SLC16A1: variants seen among roughly 807,000 people sequenced by gnomAD.
SLC16A1 encodes solute carrier family 16 member 1, also known as monocarboxylate transporter 1.
SLC16A1 carries 11 observed loss-of-function variants against 32.2 expected under a neutral mutation model. That is an observed-to-expected ratio of 0.34 (90% confidence interval 0.21 to 0.56). The LOEUF (loss-of-function observed/expected upper bound fraction) is 0.56. Ranked by LOEUF, SLC16A1 falls within the 20% of genes least tolerant of loss-of-function variation. The pLI is 0.87. For missense variants in SLC16A1, 435 were observed against 615.0 expected, an observed-to-expected ratio of 0.71 and a Z score of 3.10; for synonymous variants, 231 against 226.8, an observed-to-expected ratio of 1.02 and a Z score of -0.17.
At chr1:112,941,981 T>C (rs1037805397) in intron 1 of SLC16A1, among the ~76,000 whole-genome samples, 1 of 152,112 alleles carries the variant, frequency 6.6e-6, no homozygotes, top group South Asian at 2.1e-4. Flanking sequence ...GACCCCCTTT[T>C]TTTTTTGAGA....
intron 1 of SLC16A1, among the ~76,000 whole-genome samples, chr1:112,942,885 A>G (rs1288251073): frequency 6.6e-6 from 1 of 152,236 alleles, no homozygotes; most frequent in Non-Finnish European, 1.5e-5. Flanking sequence ...TGAAGTGAAC[A>G]TATTTGTAAA....
intron 1 of SLC16A1, among the ~76,000 whole-genome samples, chr1:112,937,202 G>A (rs1405175616): frequency 6.6e-6 from 1 of 152,128 alleles, no homozygotes; most frequent in Non-Finnish European, 1.5e-5. Context: ...ATCAAGCTCT[G>A]ACTAGAACAG....
At chr1:112,946,299 C>CA (rs1649701608) in intron 1 of SLC16A1, among the ~76,000 whole-genome samples, 1 of 151,896 alleles carries the variant, frequency 6.6e-6, no homozygotes, top group Non-Finnish European at 1.5e-5. Flanking sequence ...AGGTTGGGCA[C>CA]AGTGGCTCAC....
chr1:112,932,362 C>G (rs1649161773), intron 1 of SLC16A1, among the ~76,000 whole-genome samples: 1 of 152,146 alleles, frequency 6.6e-6, no homozygotes, highest in Non-Finnish European at 1.5e-5. Flanking sequence ...CAGCGAGACC[C>G]TACCTCTACA....
At position 112,923,217 on chromosome 1, in the gene SLC16A1, G is replaced by A. The variant is rs548185731; in HGVS notation, c.218-1084C>T. Among the ~76,000 whole-genome samples, 4 of 152,230 alleles carry A rather than the reference G, an allele frequency of 2.6e-5. No homozygotes were observed. The South Asian group carries it at 8.3e-4, about 32-fold the overall frequency. ...GCCTGTAATCCCAGCTACTCAGGAG[G>A]CTGAGGCAGAAGAATCATTTGAATC... On this transcript the variant is annotated intron_variant, in intron 2 of 4. Transcript: ENST00000369626.
intron 1 of SLC16A1, among the ~76,000 whole-genome samples, chr1:112,934,760 G>A (rs527516961): frequency 2.0e-5 from 3 of 152,176 alleles, no homozygotes; most frequent in Non-Finnish European, 4.4e-5. Flanking sequence ...CACAACTCAG[G>A]CCAGTGTGAG....
At chr1:112,953,549 AT>A (rs1649972881) in intron 1 of SLC16A1, among the ~76,000 whole-genome samples, 1 of 151,948 alleles carries the variant, frequency 6.6e-6, no homozygotes, top group Non-Finnish European at 1.5e-5. Flanking sequence ...AATCCCTTTA[AT>A]TTTTTTACCC....
intron 1 of SLC16A1, among the ~76,000 whole-genome samples, chr1:112,954,816 A>G (rs1369129095): frequency 6.6e-6 from 1 of 152,238 alleles, no homozygotes; most frequent in Non-Finnish European, 1.5e-5. Context: ...AGTGCTAAAT[A>G]TCTTGAATTG....
Position 112,918,052 on chromosome 1 carries a change from G to A in SLC16A1, c.362-8C>T, listed in dbSNP as rs749394895. 2.2e-6 allele frequency: 3 copies of A among 1,341,748 alleles called. No homozygotes were observed. The highest frequency in any genetic ancestry group is 3.1e-5 in the Admixed American group (1 of 32,462). The allele number at this position is 1,341,748 out of a possible 1,614,324, so 83.1% of individuals were successfully genotyped here. ...TGAAGGCAAGCCCAAGACCTGTGAAGACAATAAATAAATAAATAAATAAAT... is the reference window on the plus strand; with the variant it reads ...TGAAGGCAAGCCCAAGACCTGTGAAAACAATAAATAAATAAATAAATAAAT... On this transcript the variant is annotated splice_polypyrimidine_tract_variant and splice_region_variant and intron_variant, in intron 3 of 4. Coordinates refer to ENST00000369626, the MANE Select transcript of SLC16A1 (RefSeq NM_003051.4).
chr1:112,927,820 G>A (rs986694739), intron 2 of SLC16A1, among the ~76,000 whole-genome samples: 1 of 152,224 alleles, frequency 6.6e-6, no homozygotes. Flanking sequence ...TGGCTTTCTC[G>A]CTCTTTGGTA....
intron 1 of SLC16A1, among the ~76,000 whole-genome samples, chr1:112,938,600 C>T (rs890655284): frequency 5.9e-5 from 9 of 152,186 alleles, no homozygotes; most frequent in African/African-American, 2.2e-4. Flanking sequence ...CTGCAAACTT[C>T]CAACTCTCTT....
intron 2 of SLC16A1, among the ~76,000 whole-genome samples, chr1:112,928,621 A>C (rs1053640932): frequency 5.3e-5 from 8 of 152,228 alleles, no homozygotes; most frequent in Non-Finnish European, 1.0e-4. Context: ...CATCGCAAGT[A>C]ATACGGAGGA....
chr1:112,955,224 T>C (rs1168112305), intron 1 of SLC16A1: 1 of 151,464 alleles, frequency 6.6e-6, no homozygotes, highest in Non-Finnish European at 1.5e-5. Context: ...AAATATGTCA[T>C]GACAAAGTAA....
At chr1:112,928,938 GA>G (rs1239232390) in intron 2 of SLC16A1, 153 bp downstream of exon 2, 3 of 639,870 alleles carry the variant, frequency 4.7e-6, no homozygotes, top group Non-Finnish European at 8.2e-6. Context: ...TTGTTATCAG[GA>G]ATGAAAAATG....
At chr1:112,955,974 C>T (rs971783385) in intron 1 of SLC16A1, 61 bp downstream of exon 1, 5 of 152,280 alleles carry the variant, frequency 3.3e-5, no homozygotes, top group African/African-American at 1.2e-4. Context: ...TCCGACCCCA[C>T]CAGGGCAGCG....
intron 4 of SLC16A1, among the ~76,000 whole-genome samples, chr1:112,916,309 G>T (rs968200002): frequency 6.6e-6 from 1 of 151,460 alleles, no homozygotes; most frequent in Admixed American, 6.6e-5. Context: ...AGACGAGCCT[G>T]GCCAACATGG....
chr1:112,920,955 A>G (rs1180031246), intron 3 of SLC16A1, among the ~76,000 whole-genome samples: 1 of 151,856 alleles, frequency 6.6e-6, no homozygotes, highest in Non-Finnish European at 1.5e-5. Flanking sequence ...GACTAATGCG[A>G]TGAAACCCCG....
Position 112,917,140 on chromosome 1 carries a change from T to C in SLC16A1, c.1228+38A>G, listed in dbSNP as rs933665265. ...AGCATTCCCATCTTACATGCTTGTT[T>C]TGTAATAGACCCACATTAGTAGGGA... On this transcript the variant is annotated intron_variant, in intron 4 of 4. Coordinates refer to ENST00000369626, the MANE Select transcript of SLC16A1 (RefSeq NM_003051.4). The surrounding 1 kb of genome is among the most constrained non-coding windows in gnomAD (Gnocchi z 4.1). The C allele has an allele frequency of 1.2e-6, 2 of 1,613,838 alleles. No homozygotes were observed. The highest frequency in any genetic ancestry group is 1.7e-6 in the Non-Finnish European group (2 of 1,179,862).
At chr1:112,935,433 T>G (rs2101639602) in intron 1 of SLC16A1, among the ~76,000 whole-genome samples, 1 of 152,100 alleles carries the variant, frequency 6.6e-6, no homozygotes, top group African/African-American at 2.4e-5. Flanking sequence ...GTCAGTGAAA[T>G]TAATAACACA....
Sources: allele counts gnomAD v4.1 joint callset (sites outside exome capture counted in the v4.1 genomes callset), GRCh38; gene constraint gnomAD v4.1.1; non-coding constraint Gnocchi (gnomAD v3.1); transcripts MANE v1.5; gene names NCBI Gene and HGNC (gene_info 2026-07-23, HGNC 2026-07-21).